ARB2A: variants seen among roughly 807,000 people sequenced by gnomAD.
The protein encoded by ARB2A is ARB2 cotranscriptional regulator A.
the ARB2A span, among the ~76,000 whole-genome samples, chr5:93,776,599 G>A: frequency 6.6e-6 from 1 of 152,116 alleles, no homozygotes; most frequent in Non-Finnish European, 1.5e-5. Context: ...CCAACATGGT[G>A]AAACTCCTTC....
At chr5:94,074,867 C>G in the ARB2A span, 1 of 711,562 alleles carries the variant, frequency 1.4e-6, no homozygotes, top group Non-Finnish European at 2.3e-6. Flanking sequence ...TCTCTCTATG[C>G]TAATTTCCCA....
the ARB2A span, among the ~76,000 whole-genome samples, chr5:94,014,885 T>C: frequency 6.7e-6 from 1 of 149,120 alleles, no homozygotes; most frequent in African/African-American, 2.5e-5. Flanking sequence ...GAAGACCACC[T>C]ACGAGATACA....
At chr5:94,062,252 A>G in the ARB2A span, among the ~76,000 whole-genome samples, 1 of 152,196 alleles carries the variant, frequency 6.6e-6, no homozygotes, top group African/African-American at 2.4e-5. Context: ...CACATCTTAC[A>G]TAAAATTTAA....
chr5:93,864,135 G>A, the ARB2A span, among the ~76,000 whole-genome samples: 1 of 152,142 alleles, frequency 6.6e-6, no homozygotes, highest in Non-Finnish European at 1.5e-5. Context: ...AATGAAAACT[G>A]CTAATCATTA....
the ARB2A span, among the ~76,000 whole-genome samples, chr5:93,624,034 A>G: frequency 6.6e-6 from 1 of 152,180 alleles, no homozygotes; most frequent in Non-Finnish European, 1.5e-5. Context: ...AACTCTATCC[A>G]TGACAATGTT....
chr5:94,013,267 C>T, the ARB2A span, among the ~76,000 whole-genome samples: 20 of 151,100 alleles, frequency 1.3e-4, no homozygotes, highest in Non-Finnish European at 2.9e-4. Flanking sequence ...CAACCTCTGC[C>T]TCCCGGGTTC....
the ARB2A span, among the ~76,000 whole-genome samples, chr5:93,831,140 G>T: frequency 6.6e-6 from 1 of 152,120 alleles, no homozygotes; most frequent in South Asian, 2.1e-4. Flanking sequence ...TGGCTTGCTT[G>T]CCTGCTGCTC....
At chr5:93,693,962 T>C in the ARB2A span, among the ~76,000 whole-genome samples, 4 of 152,160 alleles carry the variant, frequency 2.6e-5, no homozygotes, top group Admixed American at 6.5e-5. Context: ...TCTCAATAGA[T>C]GCAGAAAAGG....
the ARB2A span, among the ~76,000 whole-genome samples, chr5:93,777,632 G>A: frequency 7.3e-5 from 11 of 151,318 alleles, no homozygotes; most frequent in African/African-American, 2.7e-4. Context: ...TGCCAAAATC[G>A]CTGATTGCTA....
At chr5:93,717,199 T>A in the ARB2A span, among the ~76,000 whole-genome samples, 2 of 152,220 alleles carry the variant, frequency 1.3e-5, no homozygotes, top group Non-Finnish European at 2.9e-5. Flanking sequence ...GATCCTGAGC[T>A]ACTGCATTGG....
At chr5:93,996,208 T>C in the ARB2A span, among the ~76,000 whole-genome samples, 1 of 152,132 alleles carries the variant, frequency 6.6e-6, no homozygotes, top group Admixed American at 6.6e-5. Flanking sequence ...TACCTAAATA[T>C]ATACATACAC....
At chr5:93,810,381 A>G in the ARB2A span, among the ~76,000 whole-genome samples, 1 of 151,848 alleles carries the variant, frequency 6.6e-6, no homozygotes, top group South Asian at 2.1e-4. Flanking sequence ...AGGTTGTACA[A>G]TGCCTTGCTA....
At chr5:93,788,575 A>G in the ARB2A span, among the ~76,000 whole-genome samples, 1 of 152,138 alleles carries the variant, frequency 6.6e-6, no homozygotes, top group Non-Finnish European at 1.5e-5. Flanking sequence ...GCATTCTTCA[A>G]TTTCCTTTTT....
the ARB2A span, among the ~76,000 whole-genome samples, chr5:93,919,379 A>AT: frequency 6.6e-6 from 1 of 152,156 alleles, no homozygotes. Context: ...AGAAGAATCA[A>AT]TTTTTTAAAT....
chr5:93,689,954 G>A, the ARB2A span, among the ~76,000 whole-genome samples: 1 of 152,162 alleles, frequency 6.6e-6, no homozygotes, highest in East Asian at 1.9e-4. Context: ...CCAAGGGGTT[G>A]AAGAACTCCC....
chr5:94,054,293 T>C, the ARB2A span, among the ~76,000 whole-genome samples: 1 of 152,082 alleles, frequency 6.6e-6, no homozygotes, highest in African/African-American at 2.4e-5. Context: ...AGGATTCCAT[T>C]CAGGACACCA....
At chr5:93,995,287 C>A in the ARB2A span, among the ~76,000 whole-genome samples, 1 of 152,160 alleles carries the variant, frequency 6.6e-6, no homozygotes, top group Non-Finnish European at 1.5e-5. Flanking sequence ...CTACAGTAAA[C>A]TTCGTATCAC....
chr5:93,959,504 C>T, the ARB2A span, among the ~76,000 whole-genome samples: 1 of 151,866 alleles, frequency 6.6e-6, no homozygotes, highest in East Asian at 1.9e-4. Flanking sequence ...TGGAGATAGA[C>T]GTATTGGAAA....
At chr5:93,957,827 T>G in the ARB2A span, among the ~76,000 whole-genome samples, 1 of 152,014 alleles carries the variant, frequency 6.6e-6, no homozygotes, top group Non-Finnish European at 1.5e-5. Flanking sequence ...CCCTTCTAAT[T>G]TTAATTACAA....
Sources: allele counts gnomAD v4.1 joint callset (sites outside exome capture counted in the v4.1 genomes callset), GRCh38; gene constraint gnomAD v4.1.1; transcripts MANE v1.5; gene names NCBI Gene and HGNC (gene_info 2026-07-23, HGNC 2026-07-21).